ENTREP1: variants seen among roughly 807,000 people sequenced by gnomAD.
The protein encoded by ENTREP1 is endosomal transmembrane epsin interactor 1.
the ENTREP1 span, among the ~76,000 whole-genome samples, chr9:69,359,146 C>T: frequency 6.6e-6 from 1 of 151,880 alleles, no homozygotes; most frequent in African/African-American, 2.4e-5. Context: ...CCTCAAGTGA[C>T]CCGCCCGCCT....
the ENTREP1 span, among the ~76,000 whole-genome samples, chr9:69,330,414 A>G: frequency 3.3e-5 from 5 of 152,158 alleles, no homozygotes; most frequent in African/African-American, 1.2e-4. Context: ...GTATACATCT[A>G]TGTCTGTGCT....
At chr9:69,366,384 G>GTTTTTTTTTTTTTTTTTT in the ENTREP1 span, among the ~76,000 whole-genome samples, 2 of 122,992 alleles carry the variant, frequency 1.6e-5, 1 homozygote. Flanking sequence ...TTCCAACTGG[G>GTTTTTTTTTTTTTTTTTT]GTTTTTTTTT....
chr9:69,372,746 C>T, the ENTREP1 span, among the ~76,000 whole-genome samples: 1 of 151,996 alleles, frequency 6.6e-6, no homozygotes, highest in African/African-American at 2.4e-5. Context: ...TTTGAGGAAA[C>T]TTTGTATGGT....
chr9:69,328,709 AAG>A, the ENTREP1 span, among the ~76,000 whole-genome samples: 1 of 152,256 alleles, frequency 6.6e-6, no homozygotes, highest in Non-Finnish European at 1.5e-5. Flanking sequence ...AGAATTAAAA[AAG>A]AACACAGCTT....
chr9:69,381,949 G>A, the ENTREP1 span: 1 of 152,264 alleles, frequency 6.6e-6, no homozygotes, highest in Non-Finnish European at 1.5e-5. Flanking sequence ...AACAGAGCCT[G>A]TTACTCTGAC....
At chr9:69,355,819 G>T in the ENTREP1 span, among the ~76,000 whole-genome samples, 1 of 152,200 alleles carries the variant, frequency 6.6e-6, no homozygotes, top group African/African-American at 2.4e-5. Context: ...GCTAGGGCTG[G>T]TGACGAGAGC....
At chr9:69,348,872 T>G in the ENTREP1 span, among the ~76,000 whole-genome samples, 1 of 152,160 alleles carries the variant, frequency 6.6e-6, no homozygotes, top group African/African-American at 2.4e-5. Flanking sequence ...TTGATGGACA[T>G]TTCCACTTTG....
the ENTREP1 span, among the ~76,000 whole-genome samples, chr9:69,369,762 T>C: frequency 6.6e-6 from 1 of 152,188 alleles, no homozygotes; most frequent in Admixed American, 6.6e-5. Flanking sequence ...GGTATCTCAT[T>C]GTGGTTTTTA....
chr9:69,325,223 G>T, the ENTREP1 span: 1 of 1,050,102 alleles, frequency 9.5e-7, no homozygotes, highest in Non-Finnish European at 1.1e-6. Context: ...GCAGTGCCCA[G>T]TGTGCTGCGC....
chr9:69,388,615 T>A, the ENTREP1 span, among the ~76,000 whole-genome samples: 1 of 152,156 alleles, frequency 6.6e-6, no homozygotes, highest in Non-Finnish European at 1.5e-5. Context: ...GCCGGGGAGC[T>A]TTCTTTCAAG....
At chr9:69,366,015 A>G in the ENTREP1 span, among the ~76,000 whole-genome samples, 3 of 152,106 alleles carry the variant, frequency 2.0e-5, no homozygotes, top group African/African-American at 7.2e-5. Flanking sequence ...CCTTTGATAT[A>G]CTGATTTCTT....
the ENTREP1 span, chr9:69,377,696 C>T: frequency 1.9e-6 from 3 of 1,614,154 alleles, no homozygotes; most frequent in South Asian, 2.2e-5. Flanking sequence ...GTGCCTCCCC[C>T]TTCCTATTTT....
the ENTREP1 span, among the ~76,000 whole-genome samples, chr9:69,370,018 CCTAA>C: frequency 6.6e-6 from 1 of 152,080 alleles, no homozygotes; most frequent in East Asian, 1.9e-4. Context: ...TATTGATTTT[CCTAA>C]CTGTGTCCTT....
chr9:69,392,334 T>C, the ENTREP1 span: 1 of 156,118 alleles, frequency 6.4e-6, no homozygotes, highest in African/African-American at 2.4e-5. Context: ...GGAAACTTCT[T>C]AAGTGACAAA....
the ENTREP1 span, among the ~76,000 whole-genome samples, chr9:69,350,201 T>C: frequency 1.3e-5 from 2 of 152,186 alleles, no homozygotes; most frequent in Non-Finnish European, 1.5e-5. Context: ...AAGATTTTTA[T>C]TATTTTAGCT....
chr9:69,340,939 A>T, the ENTREP1 span, among the ~76,000 whole-genome samples: 1 of 152,212 alleles, frequency 6.6e-6, no homozygotes, highest in Non-Finnish European at 1.5e-5. Flanking sequence ...AATGTTCTGT[A>T]AGTGTTTACA....
the ENTREP1 span, among the ~76,000 whole-genome samples, chr9:69,359,370 C>A: frequency 6.6e-6 from 1 of 152,188 alleles, no homozygotes; most frequent in African/African-American, 2.4e-5. Context: ...ACCCAAATTT[C>A]ATCTTGAATT....
the ENTREP1 span, among the ~76,000 whole-genome samples, chr9:69,349,379 A>G: frequency 6.6e-6 from 1 of 152,138 alleles, no homozygotes; most frequent in Non-Finnish European, 1.5e-5. Flanking sequence ...TGGCTATATC[A>G]TTTTATATTT....
the ENTREP1 span, chr9:69,385,763 CTTTTTTTTTTTTTTT>C: frequency 8.0e-7 from 1 of 1,243,192 alleles, no homozygotes; most frequent in South Asian, 1.9e-5. Context: ...TGTTTCGCCT[CTTTTTTTTTTTTTTT>C]TTTTTTTTTA....
Sources: gnomAD v4.1 joint callset for allele counts (sites outside exome capture counted in the v4.1 genomes callset) on GRCh38, gnomAD v4.1.1 for gene constraint, MANE v1.5 for transcripts, NCBI Gene and HGNC (gene_info 2026-07-23, HGNC 2026-07-21) for gene names.